The following GALNT10 variants were observed in gnomAD, a reference collection of about 807,000 sequenced individuals.
GALNT10 encodes GalNAc transferase 10.
Under a neutral mutation model 75.0 loss-of-function variants are expected in GALNT10, and 41 were observed. The observed-to-expected ratio is 0.55, with a 90% confidence interval of 0.43 to 0.71. The LOEUF is 0.71. Among genes scored for constraint, GALNT10 ranks in the 30% least tolerant of loss-of-function variants. The probability of loss-of-function intolerance (pLI) is 0.00; values close to 1 mark genes in which losing one functional copy is unlikely to be tolerated. For synonymous variants in GALNT10, 302 were observed against 313.0 expected (o/e 0.96, Z 0.37); for missense variants, 727 against 818.5 (o/e 0.89, Z 1.36).
At chr5:154,307,690 C>T (rs1191321326) in intron 3 of GALNT10, among the ~76,000 whole-genome samples, 1 of 150,972 alleles carries the variant, frequency 6.6e-6, no homozygotes, top group African/African-American at 2.4e-5. Context: ...GGGTACTTTC[C>T]AACTCACTGT....
At chr5:154,259,649 A>G (rs1456789132) in intron 1 of GALNT10, among the ~76,000 whole-genome samples, 1 of 152,026 alleles carries the variant, frequency 6.6e-6, no homozygotes, top group Non-Finnish European at 1.5e-5. Flanking sequence ...TCCTCCCCTA[A>G]AACAACCACT....
intron 1 of GALNT10, among the ~76,000 whole-genome samples, chr5:154,194,130 C>T (rs1241999180): frequency 6.6e-6 from 1 of 152,170 alleles, no homozygotes; most frequent in African/African-American, 2.4e-5. Flanking sequence ...CTCCTCATTT[C>T]TGAGCCATAA....
At chr5:154,403,976 C>G in intron 7 of GALNT10, 128 bp from the exon 8 acceptor site, 1 of 771,242 alleles carries the variant, frequency 1.3e-6, no homozygotes, top group South Asian at 1.4e-5. Flanking sequence ...GTCATTAGGT[C>G]TGTGATCCAG....
intron 1 of GALNT10, among the ~76,000 whole-genome samples, chr5:154,228,799 A>G (rs1753103161): frequency 1.3e-5 from 2 of 152,248 alleles, no homozygotes; most frequent in African/African-American, 2.4e-5. Context: ...GCAAATCCAC[A>G]TTCAAGTTAA....
chr5:154,300,055 T>C (rs1754338175), intron 3 of GALNT10, among the ~76,000 whole-genome samples: 1 of 152,120 alleles, frequency 6.6e-6, no homozygotes, highest in South Asian at 2.1e-4. Context: ...AGGCTGGTTT[T>C]GAACTCCTGG....
intron 5 of GALNT10, among the ~76,000 whole-genome samples, chr5:154,378,348 A>ATT (rs1236017260): frequency 1.3e-5 from 2 of 152,124 alleles, no homozygotes; most frequent in African/African-American, 4.8e-5. Flanking sequence ...CATCATTATC[A>ATT]CGGCTCTCAT....
rs1447544033 is a variant in GALNT10 at position 154,418,901 on chromosome 5, G to A, written c.*1929G>A. The A allele has an allele frequency of 6.6e-6, 1 of 152,516 alleles. No individual in the cohort carries two copies. Among genetic ancestry groups the A allele is most frequent in the African/African-American group, 2.4e-5 (1 of 41,406 alleles). The allele number at this position is 152,516 out of a possible 1,614,324, so 9.4% of individuals were successfully genotyped here. A position where few individuals can be genotyped will look rare whatever the true frequency, so the allele number is the denominator to read the frequency against. On this transcript the variant is annotated 3_prime_UTR_variant, in exon 12 of 12. Coordinates refer to ENST00000297107, the MANE Select transcript of GALNT10 (RefSeq NM_198321.4). ...AGATGAGGCCCCTTCTAGAATCTAG[G>A]ATAACAAGAGTGTTGACAGTTTGAG...
intron 6 of GALNT10, among the ~76,000 whole-genome samples, chr5:154,384,756 G>T (rs896366887): frequency 2.0e-5 from 3 of 152,188 alleles, no homozygotes; most frequent in East Asian, 3.8e-4. Flanking sequence ...TATTGTGGTG[G>T]CGAGGGGTGT....
intron 1 of GALNT10, among the ~76,000 whole-genome samples, chr5:154,239,734 A>G (rs1459473908): frequency 6.6e-6 from 1 of 152,216 alleles, no homozygotes; most frequent in African/African-American, 2.4e-5. Flanking sequence ...ACCAGCTCAC[A>G]GTCTACTGAG....
At chr5:154,365,693 C>T (rs927853880) in intron 4 of GALNT10, among the ~76,000 whole-genome samples, 3 of 152,202 alleles carry the variant, frequency 2.0e-5, no homozygotes, top group African/African-American at 7.2e-5. Flanking sequence ...CATTCCTGCT[C>T]TCCAAAGTCC....
intron 7 of GALNT10, among the ~76,000 whole-genome samples, chr5:154,396,439 G>C (rs1202188682): frequency 6.6e-6 from 1 of 152,190 alleles, no homozygotes; most frequent in Non-Finnish European, 1.5e-5. Flanking sequence ...TTGTTCTGCA[G>C]ACAATACAAG....
At chr5:154,354,097 G>T (rs73283339) in intron 4 of GALNT10, among the ~76,000 whole-genome samples, 10,909 of 152,222 alleles carry the variant, frequency 0.072, 409 homozygotes, top group Middle Eastern at 0.13. Context: ...AGATACTGTG[G>T]GCTGGGACGT....
intron 7 of GALNT10, among the ~76,000 whole-genome samples, chr5:154,390,410 C>T (rs147869021): frequency 2.9e-3 from 439 of 152,252 alleles, no homozygotes; most frequent in Non-Finnish European, 4.1e-3. Context: ...AACACCCAAA[C>T]CTTGATGTAA....
At position 154,412,734 on chromosome 5, in the gene GALNT10, A is replaced by G; in HGVS notation, c.1387-155A>G. 1 of 687,612 alleles carries G rather than the reference A, an allele frequency of 1.5e-6. No individual in the cohort carries two copies. Among genetic ancestry groups the G allele is most frequent in the Admixed American group, 2.0e-5 (1 of 49,098 alleles). The allele number at this position is 687,612 out of a possible 1,614,324, so 42.6% of individuals were successfully genotyped here. The stretch of plus-strand genomic sequence containing the variant: ...GAGTCTTCCTTCATTGAGAGGCTCA[A>G]GGTACTTCCAACAGCCCAGGGCAAG... On this transcript the variant is annotated intron_variant, in intron 9 of 11. Coordinates refer to ENST00000297107, the MANE Select transcript of GALNT10 (RefSeq NM_198321.4). This position sits in a 1 kb window ranked among gnomAD's most constrained non-coding sequence, Gnocchi z 4.2.
chr5:154,371,265 T>C (rs1053829342), intron 4 of GALNT10, among the ~76,000 whole-genome samples: 2 of 152,108 alleles, frequency 1.3e-5, no homozygotes, highest in African/African-American at 4.8e-5. Flanking sequence ...ATTGGATGAG[T>C]GCCCACCCTA....
At chr5:154,327,314 T>C (rs1754769715) in intron 3 of GALNT10, among the ~76,000 whole-genome samples, 1 of 152,258 alleles carries the variant, frequency 6.6e-6, no homozygotes, top group South Asian at 2.1e-4. Flanking sequence ...AGTGCTCATG[T>C]TGCAGCATCC....
At position 154,420,539 on chromosome 5, in the gene GALNT10, A is replaced by G. The variant is rs754324903; in HGVS notation, c.*3567A>G. On this transcript the variant is annotated 3_prime_UTR_variant, in exon 12 of 12. Transcript: ENST00000297107. ...TTTTTAATGTTTTCTGAAGCTTTGT[A>G]AGTGTGAGAGAGGGACAAGAAGTGC... is the stretch of plus-strand genomic sequence containing the variant. 2.6e-5 allele frequency: 4 copies of G among 152,192 alleles called. No homozygotes were observed. The highest frequency in any genetic ancestry group is 5.9e-5 in the Non-Finnish European group (4 of 68,040). 9.4% of individuals were successfully genotyped at this position (152,192 alleles called of 1,614,324 possible). A position where few individuals can be genotyped will look rare whatever the true frequency, so the allele number is the denominator to read the frequency against.
At chr5:154,291,795 C>A (rs1030879223) in intron 1 of GALNT10, among the ~76,000 whole-genome samples, 1 of 152,098 alleles carries the variant, frequency 6.6e-6, no homozygotes, top group Admixed American at 6.6e-5. Flanking sequence ...TCCTGAATAT[C>A]CCAGCATGTT....
chr5:154,399,277 A>C (rs1451835061), intron 7 of GALNT10, among the ~76,000 whole-genome samples: 1 of 152,228 alleles, frequency 6.6e-6, no homozygotes, highest in Non-Finnish European at 1.5e-5. Context: ...GAGCAGAACC[A>C]CAGGGCCTGG....
Sources: gnomAD v4.1 joint callset for allele counts (sites outside exome capture counted in the v4.1 genomes callset) on GRCh38, gnomAD v4.1.1 for gene constraint, Gnocchi (gnomAD v3.1) non-coding constraint, MANE v1.5 for transcripts, NCBI Gene and HGNC (gene_info 2026-07-23, HGNC 2026-07-21) for gene names.